Variants in LDLRAD4 observed in about 807,000 individuals in gnomAD.
LDLRAD4 encodes the protein low density lipoprotein receptor class A domain containing 4, also known as low-density lipoprotein receptor class A domain-containing protein 4.
In LDLRAD4, 5 loss-of-function variants were observed where a neutral mutation model predicts 17.0. That is an observed-to-expected ratio of 0.29 (90% CI 0.15 to 0.62). The LOEUF (loss-of-function observed/expected upper bound fraction) is 0.62, where lower values mean the gene tolerates loss of function less well. LDLRAD4 is among the 20% of genes least tolerant of loss of function. The probability of loss-of-function intolerance (pLI) is 0.84; values close to 1 mark genes in which losing one functional copy is unlikely to be tolerated. For synonymous variants in LDLRAD4, 168 were observed against 171.8 expected, an observed-to-expected ratio of 0.98 and a Z score of 0.17; for missense variants, 340 against 424.7, an observed-to-expected ratio of 0.80 and a Z score of 1.75.
chr18:13,541,296 T>C (rs2094279553), intron 3 of LDLRAD4, among the ~76,000 whole-genome samples: 1 of 152,220 alleles, frequency 6.6e-6, no homozygotes, highest in Non-Finnish European at 1.5e-5. Context: ...TTAAGTTGCT[T>C]ATTATAATAC....
At chr18:13,525,666 A>G (rs1181424517) in intron 3 of LDLRAD4, among the ~76,000 whole-genome samples, 2 of 152,272 alleles carry the variant, frequency 1.3e-5, no homozygotes, top group African/African-American at 2.4e-5. Context: ...AGGCCCTGGA[A>G]GCAGAACATG....
In LDLRAD4 at chr18:13,282,782, C is replaced by T. The variant is rs553713067; in HGVS notation, c.-383+4594C>T. Among the ~76,000 whole-genome samples, 137 of 152,354 alleles carry T rather than the reference C, an allele frequency of 9.0e-4. 2 individuals are homozygous for T. The South Asian group carries it at 0.027, about 30-fold the overall frequency. ...GCCCTCTTCTCCCAGCTCCACTAGGCCATGCCCCAGTAGGGACTCTGTGTG... is the reference window on the plus strand; with the variant it reads ...GCCCTCTTCTCCCAGCTCCACTAGGTCATGCCCCAGTAGGGACTCTGTGTG... On this transcript the variant is annotated intron_variant, in intron 1 of 5. Coordinates refer to ENST00000359446, the Ensembl canonical transcript of LDLRAD4.
At chr18:13,629,436 G>T (rs1411163331) in intron 4 of LDLRAD4, among the ~76,000 whole-genome samples, 2 of 152,194 alleles carry the variant, frequency 1.3e-5, no homozygotes, top group Non-Finnish European at 2.9e-5. Flanking sequence ...GCTGTGCCTG[G>T]GAAGGAAGTA....
intron 3 of LDLRAD4, among the ~76,000 whole-genome samples, chr18:13,564,664 G>A (rs967482651): frequency 6.6e-6 from 1 of 150,550 alleles, no homozygotes; most frequent in Admixed American, 6.6e-5. Context: ...CGGCAGGTGA[G>A]GGTGCGCAGA....
At chr18:13,550,503 C>A (rs2094420910) in intron 3 of LDLRAD4, among the ~76,000 whole-genome samples, 1 of 152,212 alleles carries the variant, frequency 6.6e-6, no homozygotes. Flanking sequence ...TAGAGGGTGT[C>A]TGGACGGCTT....
intron 3 of LDLRAD4, among the ~76,000 whole-genome samples, chr18:13,566,804 T>C (rs1285417565): frequency 6.6e-6 from 1 of 152,256 alleles, no homozygotes; most frequent in Non-Finnish European, 1.5e-5. Context: ...GATTTAAATA[T>C]GTATAGGTTT....
chr18:13,226,180 C>CTTTGTTTTTTTTT (rs2041781922), intron 1 of LDLRAD4, among the ~76,000 whole-genome samples: 1 of 52,186 alleles, frequency 1.9e-5, no homozygotes, highest in Non-Finnish European at 3.3e-5. Flanking sequence ...CCATGCCTTG[C>CTTTGTTTTTTTTT]TTTTTTTTTT....
At chr18:13,387,573 CGGGCA>C (rs1372908754) in exon 2 of LDLRAD4, 18 of 705,522 alleles carry the variant, frequency 2.6e-5, no homozygotes, top group Non-Finnish European at 4.5e-5. Flanking sequence ...GCGCGAGAGC[CGGGCA>C]GGTGGGCCGC....
chr18:13,327,665 A>T (rs1442263451), intron 1 of LDLRAD4, among the ~76,000 whole-genome samples: 6 of 151,960 alleles, frequency 3.9e-5, no homozygotes, highest in South Asian at 2.1e-4. Context: ...GTTTCTAAAG[A>T]TAGAGGGACA....
At chr18:13,422,025 G>GA (rs2089512130) in intron 2 of LDLRAD4, among the ~76,000 whole-genome samples, 1 of 152,238 alleles carries the variant, frequency 6.6e-6, no homozygotes, top group Non-Finnish European at 1.5e-5. Context: ...CTCCCCCGGG[G>GA]AGGAGCTCTG....
intron 1 of LDLRAD4, among the ~76,000 whole-genome samples, chr18:13,346,343 A>AGTT (rs1302420505): frequency 6.6e-6 from 1 of 151,654 alleles, no homozygotes; most frequent in Non-Finnish European, 1.5e-5. Context: ...TGTACCCAGT[A>AGTT]CATTCAGGAG....
intron 4 of LDLRAD4, among the ~76,000 whole-genome samples, chr18:13,641,257 G>A (rs2042524410): frequency 6.6e-6 from 1 of 152,156 alleles, no homozygotes; most frequent in African/African-American, 2.4e-5. Context: ...GCAGCATAGC[G>A]AGATCCCCAT....
upstream of LDLRAD4, among the ~76,000 whole-genome samples, chr18:13,275,261 G>T (rs1286000393): frequency 6.6e-6 from 1 of 152,192 alleles, no homozygotes; most frequent in Non-Finnish European, 1.5e-5. Flanking sequence ...ACCTTGAACT[G>T]TAGATAAGTA....
At chr18:13,303,125 G>A (rs982909042) in intron 1 of LDLRAD4, among the ~76,000 whole-genome samples, 7 of 152,354 alleles carry the variant, frequency 4.6e-5, no homozygotes, top group Admixed American at 2.6e-4. Flanking sequence ...GGAAGGCACC[G>A]GAGGGCAGGA....
intron 2 of LDLRAD4, among the ~76,000 whole-genome samples, chr18:13,395,732 G>A (rs1438515837): frequency 1.7e-5 from 2 of 117,252 alleles, no homozygotes; most frequent in African/African-American, 6.6e-5. Context: ...GCGTGGGGGC[G>A]GAAGTTGGCG....
At position 13,368,360 on chromosome 18, in the gene LDLRAD4, G is replaced by A. The variant is rs532250897; in HGVS notation, c.-382-18981G>A. ...GGGCCTGGGTGTCTGAAGAGCAGGC[G>A]TGGGCTCAGCACTGTGGGCATGTGA... On this transcript the variant is annotated intron_variant, in intron 1 of 5. Transcript: ENST00000359446. 3.3e-5 allele frequency among the ~76,000 whole-genome samples: 5 copies of A among 152,260 alleles called. No individual in the cohort carries two copies. In the South Asian group the frequency reaches 8.3e-4, roughly 25 times the overall value.
intron 3 of LDLRAD4, among the ~76,000 whole-genome samples, chr18:13,576,437 AAAAGAAAG>A (rs200673148): frequency 2.4e-5 from 2 of 83,598 alleles, no homozygotes; most frequent in Non-Finnish European, 6.5e-5. Context: ...AAAAAAAAAA[AAAAGAAAG>A]AAAGAAAGAA....
chr18:13,325,305 C>G (rs1194675910), intron 1 of LDLRAD4, among the ~76,000 whole-genome samples: 3 of 152,222 alleles, frequency 2.0e-5, no homozygotes, highest in African/African-American at 7.2e-5. Flanking sequence ...ATGGACTTCT[C>G]AGGGAGGCCA....
chr18:13,357,945 A>G (rs1390595917), intron 1 of LDLRAD4, among the ~76,000 whole-genome samples: 3 of 152,278 alleles, frequency 2.0e-5, no homozygotes, highest in Admixed American at 6.5e-5. Flanking sequence ...AATTATTATT[A>G]TTACTGAAGT....
Sources: gnomAD v4.1 joint callset for allele counts (sites outside exome capture counted in the v4.1 genomes callset) on GRCh38, gnomAD v4.1.1 for gene constraint, MANE v1.5 for transcripts, NCBI Gene and HGNC (gene_info 2026-07-23, HGNC 2026-07-21) for gene names.